Variants in SFXN4 observed in about 807,000 individuals in gnomAD.
The protein encoded by SFXN4 is sideroflexin 4, also known as sideroflexin-4.
In SFXN4, 48 loss-of-function variants were observed where a neutral mutation model predicts 54.6. The ratio of observed to expected loss-of-function variants is 0.88; its 90% CI spans 0.70 to 1.12. The LOEUF (loss-of-function observed/expected upper bound fraction) is 1.12, where lower values mean the gene tolerates loss of function less well. SFXN4 is among the 50% of genes most tolerant of loss of function. The pLI is 0.00. For synonymous variants in SFXN4, 130 were observed against 145.5 expected, an observed-to-expected ratio of 0.89 and a Z score of 0.77; for missense variants, 383 against 409.2, an observed-to-expected ratio of 0.94 and a Z score of 0.55.
intron 1 of SFXN4, 70 bp downstream of exon 1, chr10:119,165,467 G>A: frequency 1.4e-6 from 2 of 1,455,900 alleles, no homozygotes; most frequent in Non-Finnish European, 9.0e-7. Flanking sequence ...AGGTCACCCG[G>A]GTCAGCCCGA....
At chr10:119,153,764 G>A (rs1225925450) in intron 11 of SFXN4, among the ~76,000 whole-genome samples, 1 of 152,204 alleles carries the variant, frequency 6.6e-6, no homozygotes, top group Admixed American at 6.6e-5. Flanking sequence ...GTCTGTGGCA[G>A]TCAGCCTCAC....
At chr10:119,162,448 C>A (rs1450705597) in intron 2 of SFXN4, 34 bp from the exon 3 acceptor site, 2 of 1,556,128 alleles carry the variant, frequency 1.3e-6, no homozygotes, top group Non-Finnish European at 1.8e-6. Flanking sequence ...AAGTAATGAT[C>A]TCAACATTGT....
At chr10:119,145,290 G>C (rs1442190796) in intron 13 of SFXN4, among the ~76,000 whole-genome samples, 1 of 31,708 alleles carries the variant, frequency 3.2e-5, no homozygotes, top group Non-Finnish European at 6.8e-5. Flanking sequence ...TTAATAAACA[G>C]TAAATATATT....
intron 12 of SFXN4, 71 bp downstream of exon 12, chr10:119,147,704 T>A: frequency 2.3e-6 from 3 of 1,301,802 alleles, no homozygotes; most frequent in African/African-American, 1.5e-5. Flanking sequence ...TCCACCAGGG[T>A]CAGTATCTGA....
chr10:119,141,000 A>G lies in SFXN4; in HGVS notation c.*242T>C, dbSNP rs987364358. ...CTTTCGCAGGCCGATCCCCACTCCA[A>G]CCGTTCCCTCAGCAACCCCAGGGGT... On this transcript the variant is annotated 3_prime_UTR_variant, in exon 14 of 14. Transcript: ENST00000355697. 1.2e-5 allele frequency: 5 copies of G among 421,868 alleles called. No homozygotes were observed. The highest frequency in any genetic ancestry group is 6.1e-5 in the African/African-American group (3 of 48,916). 26.1% of individuals were successfully genotyped at this position (421,868 alleles called of 1,614,324 possible).
chr10:119,157,770 A>G (rs778688519), intron 8 of SFXN4, 37 bp from the exon 9 acceptor site: 8 of 1,603,238 alleles, frequency 5.0e-6, no homozygotes, highest in Non-Finnish European at 6.8e-6. Context: ...AGCAAATATC[A>G]CAGTTTTATC....
chr10:119,142,178 C>G (rs929062316), intron 13 of SFXN4, among the ~76,000 whole-genome samples: 1 of 152,100 alleles, frequency 6.6e-6, no homozygotes, highest in Non-Finnish European at 1.5e-5. Context: ...CCAGCCTGGG[C>G]AACAGAGTGA....
intron 6 of SFXN4, 191 bp from the exon 7 acceptor site, chr10:119,158,253 C>T (rs1262696588): frequency 2.2e-5 from 14 of 622,432 alleles, no homozygotes; most frequent in East Asian, 1.4e-4. Flanking sequence ...ACCAAACTAG[C>T]AGCTCTAAGG....
chr10:119,155,682 G>A (rs972403965), intron 10 of SFXN4, among the ~76,000 whole-genome samples: 7 of 151,984 alleles, frequency 4.6e-5, no homozygotes, highest in African/African-American at 7.3e-5. Context: ...TAGTAGAGAC[G>A]GGGTTTCATC....
At chr10:119,149,678 A>G (rs1293604113) in intron 11 of SFXN4, among the ~76,000 whole-genome samples, 2 of 152,214 alleles carry the variant, frequency 1.3e-5, no homozygotes, top group Non-Finnish European at 2.9e-5. Context: ...TGAACCTGGG[A>G]GGCAGAGGTT....
chr10:119,161,208 T>C, intron 3 of SFXN4, 127 bp from the exon 4 acceptor site: 1 of 862,354 alleles, frequency 1.2e-6, no homozygotes, highest in East Asian at 2.7e-5. Flanking sequence ...AGCCTCGAAC[T>C]ACTGGGTTCA....
chr10:119,143,223 G>A (rs547523345), intron 13 of SFXN4, among the ~76,000 whole-genome samples: 1 of 152,278 alleles, frequency 6.6e-6, no homozygotes, highest in East Asian at 1.9e-4. Flanking sequence ...CATCCTGCCT[G>A]TTCCTTGCAG....
At chr10:119,164,754 C>T (rs1308899467) in intron 1 of SFXN4, among the ~76,000 whole-genome samples, 1 of 152,070 alleles carries the variant, frequency 6.6e-6, no homozygotes. Flanking sequence ...GCTCACCGCC[C>T]CTTCTCAATT....
Position 119,162,381 on chromosome 10 carries a change from T to C in SFXN4, c.211A>G (p.Thr71Ala), listed in dbSNP as rs1012970819. The change falls in exon 3 of 14, where the codon ACA (threonine) becomes GCA (alanine). Residue 71 changes from threonine to alanine, a missense_variant. By Grantham distance (58) the Thr-to-Ala change is moderately conservative. Transcript: ENST00000355697. ...GCAGGGCTGGAAACATCTTCATTTG[T>C]GCACAATAGTTGCCTCGAGTTTTCT... ...SIENSRQLLC[T>A]NEDVSSPASA... 3 of 1,614,096 alleles carry C rather than the reference T, an allele frequency of 1.9e-6. No individual in the cohort carries two copies. Among genetic ancestry groups the C allele is most frequent in the Non-Finnish European group, 2.5e-6 (3 of 1,180,038 alleles).
chr10:119,145,799 T>G (rs970114827), intron 13 of SFXN4, among the ~76,000 whole-genome samples: 8 of 152,320 alleles, frequency 5.3e-5, no homozygotes, highest in African/African-American at 1.9e-4. Context: ...ACCCCCAGGT[T>G]GTTCAAAAGC....
At chr10:119,142,003 A>G (rs1458227379) in intron 13 of SFXN4, among the ~76,000 whole-genome samples, 1 of 152,040 alleles carries the variant, frequency 6.6e-6, no homozygotes, top group Non-Finnish European at 1.5e-5. Flanking sequence ...GGAGTTTGCA[A>G]TCAGCCTGGG....
rs2133612377 is a variant in SFXN4, at chr10:119,157,999, G to A, written c.414+10C>T. On this transcript the variant is annotated intron_variant, in intron 7 of 13. Transcript: ENST00000355697. ...GAATTTAGTAATCGTGAAACAGGAA[G>A]AATGGCTACCTGAGGTAAAATCACG... 6.2e-7 allele frequency: 1 copy of A among 1,614,178 alleles called. No individual in the cohort carries two copies. The highest frequency in any genetic ancestry group is 1.3e-5 in the African/African-American group (1 of 75,064).
At chr10:119,160,009 C>T (rs1440115841) in intron 5 of SFXN4, among the ~76,000 whole-genome samples, 1 of 151,474 alleles carries the variant, frequency 6.6e-6, no homozygotes, top group Admixed American at 6.6e-5. Context: ...GTAGCGAGAC[C>T]CCCACCTCCA....
intron 11 of SFXN4, among the ~76,000 whole-genome samples, chr10:119,149,916 C>T (rs7897258): frequency 0.47 from 71,566 of 152,048 alleles, 17,161 homozygotes; most frequent in East Asian, 0.71. Flanking sequence ...AGTGAGACGC[C>T]GTCATTAGGA....
Sources: allele counts gnomAD v4.1 joint callset (sites outside exome capture counted in the v4.1 genomes callset), GRCh38; gene constraint gnomAD v4.1.1; transcripts MANE v1.5; gene names NCBI Gene and HGNC (gene_info 2026-07-23, HGNC 2026-07-21).